Variants in SGCZ observed in about 807,000 individuals in gnomAD.
The protein encoded by SGCZ is zeta-sarcoglycan.
In SGCZ, 40 loss-of-function variants were observed where a neutral mutation model predicts 41.3. The ratio of observed to expected loss-of-function variants is 0.97; its 90% CI spans 0.75 to 1.26. The LOEUF (loss-of-function observed/expected upper bound fraction) is 1.26, where lower values mean the gene tolerates loss of function less well. Ranked by LOEUF, SGCZ falls within the 50% of genes most tolerant of loss-of-function variation. The probability of loss-of-function intolerance (pLI) is 0.00; values close to 1 mark genes in which losing one functional copy is unlikely to be tolerated. For synonymous variants in SGCZ, 206 were observed against 137.5 expected, an observed-to-expected ratio of 1.50 and a Z score of -3.49; for missense variants, 552 against 369.8, an observed-to-expected ratio of 1.49 and a Z score of -4.04.
At chr8:14,156,879 G>T (rs760286822) in intron 5 of SGCZ, among the ~76,000 whole-genome samples, 7 of 152,142 alleles carry the variant, frequency 4.6e-5, no homozygotes, top group Admixed American at 2.6e-4. Context: ...ATAAAAATGC[G>T]TTCTTCTGAA....
intron 1 of SGCZ, among the ~76,000 whole-genome samples, chr8:14,652,901 C>T (rs754696770): frequency 1.3e-5 from 2 of 152,002 alleles, no homozygotes; most frequent in Non-Finnish European, 2.9e-5. Context: ...CCTAATTTCC[C>T]ATTATTGTAA....
chr8:14,563,401 T>G (rs1804266730), intron 1 of SGCZ, among the ~76,000 whole-genome samples: 1 of 152,102 alleles, frequency 6.6e-6, no homozygotes, highest in African/African-American at 2.4e-5. Flanking sequence ...TGTTAATAGG[T>G]GTGAGTGGAC....
intron 1 of SGCZ, among the ~76,000 whole-genome samples, chr8:14,907,551 C>G (rs531493203): frequency 1.3e-5 from 2 of 152,188 alleles, no homozygotes; most frequent in South Asian, 2.1e-4. Context: ...CAATAACTAA[C>G]TATTCTTAAT....
At chr8:14,221,651 T>C (rs1355479032) in intron 4 of SGCZ, among the ~76,000 whole-genome samples, 2 of 152,086 alleles carry the variant, frequency 1.3e-5, no homozygotes, top group African/African-American at 4.8e-5. Flanking sequence ...AAATAAGAAG[T>C]GGGGTCGGGT....
At chr8:14,407,511 C>T (rs1460404209) in intron 2 of SGCZ, among the ~76,000 whole-genome samples, 1 of 152,010 alleles carries the variant, frequency 6.6e-6, no homozygotes, top group Non-Finnish European at 1.5e-5. Context: ...TATTATATGA[C>T]ATCTGTTTTA....
intron 1 of SGCZ, among the ~76,000 whole-genome samples, chr8:14,690,128 T>C (rs936405704): frequency 2.6e-5 from 4 of 151,944 alleles, no homozygotes; most frequent in African/African-American, 4.8e-5. Context: ...TTTTTTTTTT[T>C]TAAAGTCCAT....
At chr8:14,381,092 TA>T (rs71541665) in intron 2 of SGCZ, among the ~76,000 whole-genome samples, 17 of 149,612 alleles carry the variant, frequency 1.1e-4, no homozygotes, top group Middle Eastern at 3.4e-3. Context: ...GCAAAAGTAG[TA>T]AAAAAAAAAT....
chr8:14,996,271 AACCGCATGAAACCATTTAC>A (rs1802214742), intron 1 of SGCZ, among the ~76,000 whole-genome samples: 1 of 152,180 alleles, frequency 6.6e-6, no homozygotes, highest in African/African-American at 2.4e-5. Flanking sequence ...CAGCATTCTG[AACCGCATGAAACCATTTAC>A]AAAATTATTG....
At chr8:15,085,351 T>C (rs1689190207) in intron 1 of SGCZ, among the ~76,000 whole-genome samples, 1 of 152,100 alleles carries the variant, frequency 6.6e-6, no homozygotes, top group African/African-American at 2.4e-5. Flanking sequence ...CAATGATCAG[T>C]AAAGGTGATC....
At chr8:15,218,663 G>A (rs1801495551) in intron 1 of SGCZ, among the ~76,000 whole-genome samples, 1 of 152,012 alleles carries the variant, frequency 6.6e-6, no homozygotes, top group Admixed American at 6.6e-5. Context: ...GAGTACACTC[G>A]TTTTTTTACA....
chr8:14,792,903 T>C (rs1034853843), intron 1 of SGCZ, among the ~76,000 whole-genome samples: 1 of 152,276 alleles, frequency 6.6e-6, no homozygotes, highest in East Asian at 1.9e-4. Context: ...AGAAGCTTCA[T>C]GGTTTTAAAT....
rs555418639 is a variant in SGCZ, at chr8:14,790,323, T to C, written c.40-235397A>G. 2.0e-4 allele frequency among the ~76,000 whole-genome samples: 30 copies of C among 152,326 alleles called. 1 individual carries two copies. In the South Asian group the frequency reaches 6.2e-3, roughly 32 times the overall value. On this transcript the variant is annotated intron_variant, in intron 1 of 7. Coordinates refer to ENST00000382080, the MANE Select transcript of SGCZ (RefSeq NM_139167.4). ...TAAAATTGCAAAAACAGTTATTTTGTAACATATAATTAAAAATAATGACAG... is the reference window on the plus strand; with the variant it reads ...TAAAATTGCAAAAACAGTTATTTTGCAACATATAATTAAAAATAATGACAG...
intron 7 of SGCZ, among the ~76,000 whole-genome samples, chr8:14,100,613 A>C (rs1046207955): frequency 7.2e-6 from 1 of 138,230 alleles, no homozygotes; most frequent in Admixed American, 7.1e-5. Flanking sequence ...ATTTATATTA[A>C]TATATTAATA....
At chr8:14,202,507 G>A (rs910534427) in intron 4 of SGCZ, among the ~76,000 whole-genome samples, 2 of 151,942 alleles carry the variant, frequency 1.3e-5, no homozygotes, top group African/African-American at 4.8e-5. Flanking sequence ...AAAAAAAAAT[G>A]AGAAAACTAT....
intron 1 of SGCZ, among the ~76,000 whole-genome samples, chr8:14,605,835 G>A (rs1339734755): frequency 6.6e-6 from 1 of 152,096 alleles, no homozygotes; most frequent in African/African-American, 2.4e-5. Flanking sequence ...CAAATAAAAA[G>A]GAATAACTGA....
intron 1 of SGCZ, among the ~76,000 whole-genome samples, chr8:14,609,867 G>C (rs1187259458): frequency 6.6e-6 from 1 of 152,094 alleles, no homozygotes; most frequent in Non-Finnish European, 1.5e-5. Flanking sequence ...AGTTATCTAT[G>C]ACCTTCTTAT....
chr8:14,458,418 G>A (rs1438781507), intron 2 of SGCZ, among the ~76,000 whole-genome samples: 1 of 152,148 alleles, frequency 6.6e-6, no homozygotes, highest in Non-Finnish European at 1.5e-5. Context: ...TTATGCGTAG[G>A]TGATGCTGAA....
chr8:15,081,985 AC>A (rs1388808066), intron 1 of SGCZ, among the ~76,000 whole-genome samples: 1 of 152,204 alleles, frequency 6.6e-6, no homozygotes, highest in African/African-American at 2.4e-5. Flanking sequence ...TTTATTATTC[AC>A]GCTTCTTAAC....
chr8:14,409,084 G>A (rs1461844), intron 2 of SGCZ, among the ~76,000 whole-genome samples: 11,833 of 151,896 alleles, frequency 0.078, 633 homozygotes, highest in Admixed American at 0.13. Context: ...GTTAGCAAAT[G>A]CTAAGTTCTC....
Sources: gnomAD v4.1 joint callset for allele counts (sites outside exome capture counted in the v4.1 genomes callset) on GRCh38, gnomAD v4.1.1 for gene constraint, MANE v1.5 for transcripts, NCBI Gene and HGNC (gene_info 2026-07-23, HGNC 2026-07-21) for gene names.